Variants in CDH7 observed in about 807,000 individuals in gnomAD.
CDH7 encodes cadherin 7, also known as cadherin-7.
In CDH7, 25 loss-of-function variants were observed where a neutral mutation model predicts 71.8. The ratio of observed to expected loss-of-function variants is 0.35; its 90% confidence interval spans 0.25 to 0.49. The LOEUF is 0.49. Among genes scored for constraint, CDH7 ranks in the 20% least tolerant of loss-of-function variants. CDH7 has a pLI of 0.99. For synonymous variants in CDH7, 381 were observed against 363.8 expected (o/e 1.05, Z -0.54); for missense variants, 862 against 974.6 (o/e 0.88, Z 1.54).
Position 65,858,949 on chromosome 18 carries a change from G to T in CDH7, c.1397G>T (p.Gly466Val). The T allele has an allele frequency of 1.9e-6, 3 of 1,612,052 alleles. No homozygotes were observed. The highest frequency in any genetic ancestry group is 2.5e-6 in the Non-Finnish European group (3 of 1,178,302). ...ESQNPSQVGRGYVAITILDIN... is the reference protein window; with the variant it reads ...ESQNPSQVGRVYVAITILDIN... ...GAGAATCCATCTCAAGTAGGAAGAG[G>T]CTATGTGGCCATCACTATACTTGAC... The change falls in exon 9 of 12, where the codon GGC becomes GTC. Residue 466 changes from glycine (G) to valine (V), a missense_variant. By Grantham distance (109) the Gly-to-Val change is moderately radical. Coordinates refer to ENST00000397968, the MANE Select transcript of CDH7 (RefSeq NM_004361.5).
In CDH7 at chr18:65,781,771, C is replaced by CTTTCTTTCTTTCTTTCTTTCTATCT. The variant is rs1568181257; in HGVS notation, c.210+18721_210+18722insTCTTTCTTTCTTTCTTTCTATCTTT. Among the ~76,000 whole-genome samples the CTTTCTTTCTTTCTTTCTTTCTATCT allele has an allele frequency of 8.4e-4, 33 of 39,076 alleles. 5 individuals are homozygous for CTTTCTTTCTTTCTTTCTTTCTATCT. Among genetic ancestry groups the CTTTCTTTCTTTCTTTCTTTCTATCT allele is most frequent in the South Asian group, 2.7e-3 (2 of 746 alleles). The allele number at this position is 39,076 out of a possible 152,430, so 25.6% of individuals were successfully genotyped here. ...GTTGATTTCTTTCTTTCTTTCTTTC[C>CTTTCTTTCTTTCTTTCTTTCTATCT]TTCCTTCCTTCCTTCCTTCCTTCCT... On this transcript the variant is annotated intron_variant, in intron 2 of 11. Coordinates refer to ENST00000397968, the MANE Select transcript of CDH7 (RefSeq NM_004361.5).
In CDH7 at chr18:65,882,828, C is replaced by T. The variant is rs2082955608; in HGVS notation, c.*1934C>T. ...ACAAACAAAAAAACACGCGTATTTA[C>T]CCAGTTCAATAAAATCAGAGTGTGG... On this transcript the variant is annotated 3_prime_UTR_variant, in exon 12 of 12. Coordinates refer to ENST00000397968, the MANE Select transcript of CDH7 (RefSeq NM_004361.5). The T allele has an allele frequency of 6.6e-6, 1 of 152,042 alleles. No homozygotes were observed. The highest frequency in any genetic ancestry group is 1.5e-5 in the Non-Finnish European group (1 of 67,942). The allele number at this position is 152,042 out of a possible 1,614,324, so 9.4% of individuals were successfully genotyped here.
Position 65,766,644 on chromosome 18 carries a change from T to C in CDH7, c.210+3592T>C, listed in dbSNP as rs573405882. Among the ~76,000 whole-genome samples the C allele has an allele frequency of 3.9e-5, 6 of 152,140 alleles. No homozygotes were observed. The South Asian group carries it at 1.2e-3, about 32-fold the overall frequency. ...CTGTTTTAAAAAATAATAGTGCCCC[T>C]TTCCTTACATGTATGTTTTAATTAC... On this transcript the variant is annotated intron_variant, in intron 2 of 11. Transcript: ENST00000397968.
chr18:65,881,153 G>A lies in CDH7; in HGVS notation c.*259G>A, dbSNP rs1218212038. 9.0e-6 allele frequency: 3 copies of A among 332,568 alleles called. No individual in the cohort carries two copies. The highest frequency in any genetic ancestry group is 5.9e-5 in the South Asian group (1 of 16,838). 20.6% of individuals were successfully genotyped at this position (332,568 alleles called of 1,614,324 possible). A position where few individuals can be genotyped will look rare whatever the true frequency, so the allele number is the denominator to read the frequency against. On this transcript the variant is annotated 3_prime_UTR_variant, in exon 12 of 12. Transcript: ENST00000397968. Reference sequence around the variant, plus strand: ...GTTTTTTGATAAAAATAAATGCTCAGTGGTTTGTGAATAGATAGCAACTCT... The same window carrying A: ...GTTTTTTGATAAAAATAAATGCTCAATGGTTTGTGAATAGATAGCAACTCT...
At chr18:65,808,933 A>G (rs1367357217) in intron 2 of CDH7, among the ~76,000 whole-genome samples, 1 of 152,172 alleles carries the variant, frequency 6.6e-6, no homozygotes, top group Non-Finnish European at 1.5e-5. Flanking sequence ...CCTCTGTTCA[A>G]CATTATGTTC....
intron 7 of CDH7, among the ~76,000 whole-genome samples, chr18:65,854,970 T>TA (rs1352681296): frequency 6.6e-6 from 1 of 151,354 alleles, no homozygotes; most frequent in African/African-American, 2.4e-5. Context: ...CACACATAGA[T>TA]ACACACATAA....
chr18:65,852,067 C>T (rs1304695029), intron 7 of CDH7, among the ~76,000 whole-genome samples: 5 of 152,082 alleles, frequency 3.3e-5, no homozygotes, highest in Admixed American at 6.5e-5. Context: ...TGAGAAAAGG[C>T]ACAGAATTGG....
At chr18:65,759,719 A>T (rs1009293856) in intron 1 of CDH7, among the ~76,000 whole-genome samples, 2 of 152,212 alleles carry the variant, frequency 1.3e-5, no homozygotes, top group Non-Finnish European at 2.9e-5. Context: ...TGTGGAAAAT[A>T]AAATCCCGGA....
At chr18:65,777,998 C>T (rs940177345) in intron 2 of CDH7, among the ~76,000 whole-genome samples, 17 of 152,072 alleles carry the variant, frequency 1.1e-4, no homozygotes, top group African/African-American at 3.6e-4. Context: ...GCCAGCCGGG[C>T]GTGGTGGCTC....
chr18:65,756,589 G>GCAT (rs2143773116), intron 1 of CDH7, among the ~76,000 whole-genome samples: 1 of 152,310 alleles, frequency 6.6e-6, no homozygotes, highest in East Asian at 1.9e-4. Context: ...CAGAAGACCT[G>GCAT]CATCTGAGGC....
chr18:65,803,869 A>AC (rs1404174004), intron 2 of CDH7: 1 of 151,252 alleles, frequency 6.6e-6, no homozygotes, highest in African/African-American at 2.4e-5. Context: ...AAAAAAAAAA[A>AC]AAGAACACAC....
chr18:65,781,261 C>T (rs117169014), intron 2 of CDH7, among the ~76,000 whole-genome samples: 3,647 of 152,156 alleles, frequency 0.024, 64 homozygotes, highest in Middle Eastern at 0.048. Flanking sequence ...CATAGATTAG[C>T]CTCATTTTAC....
intron 6 of CDH7, among the ~76,000 whole-genome samples, chr18:65,834,359 A>G (rs188559516): frequency 6.6e-6 from 1 of 152,188 alleles, no homozygotes; most frequent in Non-Finnish European, 1.5e-5. Flanking sequence ...GTACATTCTT[A>G]TGTCTAGGAG....
chr18:65,832,346 T>A (rs1339139607), intron 6 of CDH7, among the ~76,000 whole-genome samples: 1 of 152,092 alleles, frequency 6.6e-6, no homozygotes, highest in Non-Finnish European at 1.5e-5. Flanking sequence ...AAAAAAATCC[T>A]TTTTAAAATA....
intron 2 of CDH7, among the ~76,000 whole-genome samples, chr18:65,807,744 G>A (rs916332523): frequency 6.6e-6 from 1 of 152,210 alleles, no homozygotes; most frequent in African/African-American, 2.4e-5. Flanking sequence ...GTGCTGCTGA[G>A]TGTAGTGGAG....
At chr18:65,795,972 C>G (rs1910898284) in intron 2 of CDH7, among the ~76,000 whole-genome samples, 1 of 152,066 alleles carries the variant, frequency 6.6e-6, no homozygotes, top group Non-Finnish European at 1.5e-5. Flanking sequence ...TACCTTCCAC[C>G]ATGATCGTAA....
chr18:65,851,984 A>G (rs1022937813), intron 7 of CDH7, among the ~76,000 whole-genome samples: 5 of 152,172 alleles, frequency 3.3e-5, no homozygotes, highest in Admixed American at 6.5e-5. Context: ...TAATGCTGCT[A>G]GTTTGTCTTC....
chr18:65,761,072 G>C (rs1011915210), intron 1 of CDH7, among the ~76,000 whole-genome samples: 1 of 152,108 alleles, frequency 6.6e-6, no homozygotes, highest in Non-Finnish European at 1.5e-5. Flanking sequence ...CCTTGGATAG[G>C]GTATCTGGAT....
chr18:65,809,109 G>A (rs1037859127), intron 2 of CDH7, among the ~76,000 whole-genome samples: 1 of 152,158 alleles, frequency 6.6e-6, no homozygotes, highest in Non-Finnish European at 1.5e-5. Flanking sequence ...CTACTTGAGA[G>A]AGCAGTGTCA....
Sources: allele counts gnomAD v4.1 joint callset (sites outside exome capture counted in the v4.1 genomes callset), GRCh38; gene constraint gnomAD v4.1.1; transcripts MANE v1.5; gene names NCBI Gene and HGNC (gene_info 2026-07-23, HGNC 2026-07-21).